AFDN: variants seen among roughly 807,000 people sequenced by gnomAD.
AFDN encodes afadin, adherens junction formation factor.
In AFDN, 68 loss-of-function variants were observed where a neutral mutation model predicts 216.6. That is an observed-to-expected ratio of 0.31 (90% CI 0.26 to 0.38). The LOEUF (loss-of-function observed/expected upper bound fraction) is 0.38, where lower values mean the gene tolerates loss of function less well. Among genes scored for constraint, AFDN ranks in the 10% least tolerant of loss-of-function variants. AFDN has a pLI of 1.00. For missense variants in AFDN, 2,136 were observed against 2,342.0 expected, an observed-to-expected ratio of 0.91 and a Z score of 1.82; for synonymous variants, 868 against 853.7, an observed-to-expected ratio of 1.02 and a Z score of -0.29.
intron 23 of AFDN, among the ~76,000 whole-genome samples, chr6:167,926,161 C>A (rs1792502909): frequency 6.6e-6 from 1 of 152,210 alleles, no homozygotes; most frequent in Admixed American, 6.5e-5. Context: ...TGAAACCTTG[C>A]CATTCCCATT....
intron 9 of AFDN, among the ~76,000 whole-genome samples, 174 bp from the exon 10 acceptor site, chr6:167,896,704 G>A (rs1562629349): frequency 6.6e-6 from 1 of 152,144 alleles, no homozygotes; most frequent in African/African-American, 2.4e-5. Flanking sequence ...TTCTTATTTT[G>A]AATTTTCTGT....
At chr6:167,918,027 C>A (rs1791319212) in intron 20 of AFDN, among the ~76,000 whole-genome samples, 1 of 152,110 alleles carries the variant, frequency 6.6e-6, no homozygotes, top group Non-Finnish European at 1.5e-5. Context: ...AGCCTGAAAA[C>A]CATGTCATTC....
chr6:167,859,075 T>TTG (rs1554282847), intron 1 of AFDN, among the ~76,000 whole-genome samples: 5 of 150,834 alleles, frequency 3.3e-5, no homozygotes, highest in African/African-American at 1.2e-4. Flanking sequence ...GTTCTTGTTT[T>TTG]TTTTTTTTTT....
chr6:167,872,256 G>T lies in AFDN; in HGVS notation c.457G>T (p.Val153Phe). 7.4e-6 allele frequency: 12 copies of T among 1,613,228 alleles called. No homozygotes were observed. The highest frequency in any genetic ancestry group is 1.0e-5 in the Non-Finnish European group (12 of 1,179,782). Reference sequence around the variant, plus strand: ...ACCTGAAAAGCAGGAAAAAGAAGGGGTTATCCAGAACTTCAAGAGAACTCT... The same window carrying T: ...ACCTGAAAAGCAGGAAAAAGAAGGGTTTATCCAGAACTTCAAGAGAACTCT... ...NGPEKQEKEG[V>F]IQNFKRTLSK... Residue 153 changes from valine to phenylalanine, a missense_variant, in exon 4 of 34, where the codon GTT becomes TTT. By Grantham distance (50) the Val-to-Phe change is conservative. Coordinates refer to ENST00000683244, the MANE Select transcript of AFDN (RefSeq NM_001386888.1).
intron 20 of AFDN, among the ~76,000 whole-genome samples, chr6:167,918,255 A>T (rs978597725): frequency 2.0e-5 from 3 of 152,244 alleles, no homozygotes; most frequent in African/African-American, 7.2e-5. Flanking sequence ...ATTTAGAAAT[A>T]ACCTCTATAT....
At chr6:167,869,835 G>A (rs1000286551) in intron 2 of AFDN, among the ~76,000 whole-genome samples, 1 of 152,204 alleles carries the variant, frequency 6.6e-6, no homozygotes, top group Non-Finnish European at 1.5e-5. Context: ...ACTTTATGGT[G>A]GAAGGGAGAG....
chr6:167,883,276 C>A (rs111301271), intron 6 of AFDN, among the ~76,000 whole-genome samples: 2 of 152,082 alleles, frequency 1.3e-5, no homozygotes, highest in African/African-American at 4.8e-5. Context: ...GCAATAAGGA[C>A]ACATTGTTTA....
intron 23 of AFDN, among the ~76,000 whole-genome samples, chr6:167,938,724 A>G (rs1039313705): frequency 6.6e-6 from 1 of 152,100 alleles, no homozygotes; most frequent in East Asian, 1.9e-4. Context: ...GTCTGCTTGT[A>G]TAGGGTGGCT....
chr6:167,859,177 G>GTAT (rs574212306), intron 1 of AFDN, among the ~76,000 whole-genome samples: 299 of 149,036 alleles, frequency 2.0e-3, no homozygotes, highest in African/African-American at 6.8e-3. Flanking sequence ...TGTTCTTGAA[G>GTAT]TATTAGGATT....
rs561759568 is a variant in AFDN, at chr6:167,940,055, AG to A, written c.3100-3072del. ...GCAAAAGGATCTGTTCAAGGACCAC[AG>A]GTTGTATTTGGCTGTTGTGGTGTGT... On this transcript the variant is annotated intron_variant, in intron 23 of 33. Transcript: ENST00000683244. 1.3e-3 allele frequency among the ~76,000 whole-genome samples: 203 copies of A among 152,360 alleles called. 1 individual carries two copies. The highest frequency in any genetic ancestry group is 4.5e-3 in the African/African-American group (189 of 41,588).
intron 23 of AFDN, among the ~76,000 whole-genome samples, chr6:167,939,246 T>A (rs1562709059): frequency 6.6e-6 from 1 of 152,236 alleles, no homozygotes; most frequent in African/African-American, 2.4e-5. Context: ...TGATTTTTAT[T>A]CTTTACAAGG....
At chr6:167,864,857 T>A (rs769026041) in intron 2 of AFDN, 111 bp downstream of exon 2, 1 of 1,124,312 alleles carries the variant, frequency 8.9e-7, no homozygotes, top group Non-Finnish European at 1.4e-6. Context: ...CCATCTTTCT[T>A]CTCTTTTGGT....
chr6:167,891,104 A>G (rs1204198374), intron 8 of AFDN, 75 bp downstream of exon 8: 4 of 1,216,802 alleles, frequency 3.3e-6, no homozygotes, highest in African/African-American at 1.5e-5. Context: ...TTTCTAATGC[A>G]TCTTCAAGTA....
In AFDN at chr6:167,971,260, TACAC is replaced by T. The variant is rs1191924739; in HGVS notation, c.*1327_*1330del. Reference sequence around the variant, plus strand: ...CACACTTTCAAAGAGAATGTTCTCTTACACATACGTATGTTAGGAAAATAGACAC... The same window carrying T: ...CACACTTTCAAAGAGAATGTTCTCTTATACGTATGTTAGGAAAATAGACAC... On this transcript the variant is annotated 3_prime_UTR_variant, in exon 34 of 34. Transcript: ENST00000683244. 2 of 219,776 alleles carry T rather than the reference TACAC, an allele frequency of 9.1e-6. No individual in the cohort carries two copies. Among genetic ancestry groups the T allele is most frequent in the Non-Finnish European group, 1.8e-5 (2 of 109,860 alleles). 13.6% of individuals were successfully genotyped at this position (219,776 alleles called of 1,614,324 possible).
chr6:167,921,427 G>A (rs942166113), intron 21 of AFDN, among the ~76,000 whole-genome samples: 1 of 152,188 alleles, frequency 6.6e-6, no homozygotes, highest in Non-Finnish European at 1.5e-5. Flanking sequence ...ACAAAGAATC[G>A]AGTGTTTTCT....
chr6:167,943,290 A>G (rs41266287), intron 24 of AFDN, 96 bp downstream of exon 24: 49,099 of 1,429,494 alleles, frequency 0.034, 944 homozygotes, highest in African/African-American at 0.055. Context: ...ATGTAGCACT[A>G]TAGTGCTTGT....
In AFDN at chr6:167,970,319, CT is replaced by C; in HGVS notation, c.*385del. On this transcript the variant is annotated 3_prime_UTR_variant, in exon 34 of 34. Transcript: ENST00000683244. ...CGAGGAGCACAAAGAAGTTCTGTTT[CT>C]GTTTTTTTCAGAAACTTTATTTTAG... The C allele has an allele frequency of 7.7e-6, 2 of 258,626 alleles. No individual in the cohort carries two copies. Among genetic ancestry groups the C allele is most frequent in the East Asian group, 1.3e-4 (2 of 15,888 alleles). 16.0% of individuals were successfully genotyped at this position (258,626 alleles called of 1,614,324 possible).
chr6:167,875,741 T>A (rs1259499531), intron 5 of AFDN, among the ~76,000 whole-genome samples: 2 of 151,906 alleles, frequency 1.3e-5, no homozygotes, highest in African/African-American at 4.8e-5. Flanking sequence ...ACTAGAAAAT[T>A]TCAAGTATAT....
Position 167,943,214 on chromosome 6 carries a change from A to G in AFDN, c.3165+20A>G. On this transcript the variant is annotated intron_variant, in intron 24 of 33. Coordinates refer to ENST00000683244, the MANE Select transcript of AFDN (RefSeq NM_001386888.1). The stretch of plus-strand genomic sequence containing the variant: ...GATGTGGTCAGTATCATTTTGAAAG[A>G]AGTACATTTTCAGTGTGTCATATAT... 2.5e-6 allele frequency: 4 copies of G among 1,603,938 alleles called. No individual in the cohort carries two copies. The highest frequency in any genetic ancestry group is 3.4e-6 in the Non-Finnish European group (4 of 1,172,402).
Sources: allele counts gnomAD v4.1 joint callset (sites outside exome capture counted in the v4.1 genomes callset), GRCh38; gene constraint gnomAD v4.1.1; transcripts MANE v1.5; gene names NCBI Gene and HGNC (gene_info 2026-07-23, HGNC 2026-07-21).